The following NR3C2 variants were observed in gnomAD, a reference collection of about 807,000 sequenced individuals.
The protein encoded by NR3C2 is mineralocorticoid receptor.
Under a neutral mutation model 86.4 loss-of-function variants are expected in NR3C2, and 15 were observed. That is an observed-to-expected ratio of 0.17 (90% CI 0.12 to 0.27). The LOEUF is 0.27. Ranked by LOEUF, NR3C2 falls within the 10% of genes least tolerant of loss-of-function variation. The pLI is 1.00. For missense variants in NR3C2, 960 were observed against 1,195.6 expected, an observed-to-expected ratio of 0.80 and a Z score of 2.91; for synonymous variants, 458 against 450.5, an observed-to-expected ratio of 1.02 and a Z score of -0.21.
At chr4:148,300,714 A>C (rs1742298944) in intron 2 of NR3C2, among the ~76,000 whole-genome samples, 1 of 151,554 alleles carries the variant, frequency 6.6e-6, no homozygotes, top group Non-Finnish European at 1.5e-5. Context: ...CCGGGATTAC[A>C]GGCATGTGCC....
In NR3C2 at chr4:148,398,967, C is replaced by A. The variant is rs549515251; in HGVS notation, c.1757+36137G>T. 2.0e-3 allele frequency among the ~76,000 whole-genome samples: 307 copies of A among 152,276 alleles called. 2 individuals carry two copies. Among genetic ancestry groups the A allele is most frequent in the Admixed American group, 3.5e-3 (53 of 15,296 alleles). Reference sequence around the variant, plus strand: ...GGTGAGCCATAGCCTGAGGAAGAAGCAAAGCAGTCATAAAAACACTGGAAG... The same window carrying A: ...GGTGAGCCATAGCCTGAGGAAGAAGAAAAGCAGTCATAAAAACACTGGAAG... On this transcript the variant is annotated intron_variant, in intron 2 of 8. Coordinates refer to ENST00000358102, the MANE Select transcript of NR3C2 (RefSeq NM_000901.5).
rs576758981 is a variant in NR3C2 at position 148,156,865 on chromosome 4, T to C, written c.2015-1964A>G. ...AAAGACACATGCACACGTATGTTTATTGCGGCACTATTCACAATAGCAAAG... is the reference window on the plus strand; with the variant it reads ...AAAGACACATGCACACGTATGTTTACTGCGGCACTATTCACAATAGCAAAG... On this transcript the variant is annotated intron_variant, in intron 4 of 8. Transcript: ENST00000358102. 1.5e-4 allele frequency among the ~76,000 whole-genome samples: 23 copies of C among 152,240 alleles called. No homozygotes were observed. The East Asian group carries it at 2.1e-3, about 14-fold the overall frequency.
chr4:148,407,972 G>T (rs1215084073), intron 2 of NR3C2, among the ~76,000 whole-genome samples: 1 of 152,200 alleles, frequency 6.6e-6, no homozygotes, highest in East Asian at 1.9e-4. Flanking sequence ...AGTTAAAAAA[G>T]CAACAGTTTT....
At chr4:148,373,166 A>G (rs1746502306) in intron 2 of NR3C2, among the ~76,000 whole-genome samples, 1 of 152,144 alleles carries the variant, frequency 6.6e-6, no homozygotes, top group Non-Finnish European at 1.5e-5. Context: ...CAACCCTCCA[A>G]TGCTGATGGC....
At chr4:148,352,171 C>G (rs1187820847) in intron 2 of NR3C2, among the ~76,000 whole-genome samples, 1 of 152,128 alleles carries the variant, frequency 6.6e-6, no homozygotes, top group Non-Finnish European at 1.5e-5. Context: ...GTGTACTACC[C>G]ACTTTCCAGC....
At chr4:148,217,001 A>C (rs1342785798) in intron 3 of NR3C2, among the ~76,000 whole-genome samples, 2 of 152,256 alleles carry the variant, frequency 1.3e-5, no homozygotes, top group Non-Finnish European at 2.9e-5. Context: ...ACGTGAACTG[A>C]AACTGAAAGT....
intron 2 of NR3C2, among the ~76,000 whole-genome samples, chr4:148,354,967 G>T (rs1381287630): frequency 6.6e-6 from 1 of 151,842 alleles, no homozygotes; most frequent in African/African-American, 2.4e-5. Context: ...CCAATTTTAT[G>T]CTATTTAAAA....
At chr4:148,127,112 T>G (rs1280230589) in intron 6 of NR3C2, among the ~76,000 whole-genome samples, 1 of 152,230 alleles carries the variant, frequency 6.6e-6, no homozygotes, top group Non-Finnish European at 1.5e-5. Flanking sequence ...TTCCATTGCA[T>G]GAAATCGAAT....
At chr4:148,340,125 AC>A (rs1744680724) in intron 2 of NR3C2, among the ~76,000 whole-genome samples, 3 of 152,196 alleles carry the variant, frequency 2.0e-5, no homozygotes, top group Non-Finnish European at 4.4e-5. Context: ...CTATCAAAAT[AC>A]CAATGACATT....
chr4:148,167,830 A>G (rs1578964210), intron 4 of NR3C2, among the ~76,000 whole-genome samples: 1 of 152,214 alleles, frequency 6.6e-6, no homozygotes, highest in East Asian at 1.9e-4. Context: ...CCAATGAACT[A>G]GGCTAGTCTA....
intron 2 of NR3C2, among the ~76,000 whole-genome samples, chr4:148,294,661 A>G (rs1741958893): frequency 2.5e-5 from 3 of 119,926 alleles, no homozygotes; most frequent in East Asian, 5.2e-4. Flanking sequence ...AATTCCTTCT[A>G]AAAGTCCTCA....
intron 8 of NR3C2, among the ~76,000 whole-genome samples, chr4:148,113,539 G>T (rs1169770515): frequency 6.6e-6 from 1 of 152,030 alleles, no homozygotes; most frequent in East Asian, 1.9e-4. Context: ...TCCTTAATCA[G>T]TTTTTAACTC....
chr4:148,441,092 G>A (rs989318146), intron 1 of NR3C2, among the ~76,000 whole-genome samples: 1 of 152,120 alleles, frequency 6.6e-6, no homozygotes, highest in Admixed American at 6.5e-5. Flanking sequence ...ATCTGCCCAA[G>A]GTCACCTGAG....
chr4:148,114,354 A>T, intron 7 of NR3C2, 93 bp from the exon 8 acceptor site: 1 of 1,340,706 alleles, frequency 7.5e-7, no homozygotes, highest in Non-Finnish European at 1.1e-6. Flanking sequence ...TTGAGGTTAG[A>T]TACTAAATCT....
chr4:148,313,076 A>G (rs72655286), intron 2 of NR3C2, among the ~76,000 whole-genome samples: 4 of 152,186 alleles, frequency 2.6e-5, no homozygotes, highest in Non-Finnish European at 4.4e-5. Flanking sequence ...GGACTTTCTT[A>G]TTACCAACTG....
chr4:148,282,995 C>T lies in NR3C2; in HGVS notation c.1758-22878G>A, dbSNP rs114845810. Among the ~76,000 whole-genome samples, 890 of 151,852 alleles carry T rather than the reference C, an allele frequency of 5.9e-3. 4 individuals are homozygous for T. The highest frequency in any genetic ancestry group is 0.02 in the African/African-American group (829 of 41,380). On this transcript the variant is annotated intron_variant, in intron 2 of 8. Coordinates refer to ENST00000358102, the MANE Select transcript of NR3C2 (RefSeq NM_000901.5). ...AAATCAGAGATGAGGTTAGAAGGAA[C>T]GGGAAGGAAACAGAGCTGAGGGGGA...
intron 2 of NR3C2, among the ~76,000 whole-genome samples, chr4:148,404,042 G>T (rs899088751): frequency 3.9e-5 from 6 of 151,960 alleles, no homozygotes; most frequent in Non-Finnish European, 8.8e-5. Context: ...TACACATTTT[G>T]CTCAGACAGA....
At chr4:148,379,721 T>C (rs1015298973) in intron 2 of NR3C2, among the ~76,000 whole-genome samples, 2 of 152,154 alleles carry the variant, frequency 1.3e-5, no homozygotes, top group Admixed American at 1.3e-4. Context: ...AAGAGAAAGA[T>C]GAGATGCAGT....
chr4:148,252,959 TA>T (rs1164165719), intron 3 of NR3C2, among the ~76,000 whole-genome samples: 1 of 152,218 alleles, frequency 6.6e-6, no homozygotes, highest in East Asian at 1.9e-4. Flanking sequence ...GCTCCTGACT[TA>T]GAGTTTTCAA....
Sources: gnomAD v4.1 joint callset for allele counts (sites outside exome capture counted in the v4.1 genomes callset) on GRCh38, gnomAD v4.1.1 for gene constraint, MANE v1.5 for transcripts, NCBI Gene and HGNC (gene_info 2026-07-23, HGNC 2026-07-21) for gene names.